The following LRP1B variants were observed in gnomAD, a reference collection of about 807,000 sequenced individuals.
LRP1B encodes LDL receptor related protein 1B.
A neutral mutation model predicts 556.6 loss-of-function variants in LRP1B; 217 were observed. The ratio of observed to expected loss-of-function variants is 0.39; its 90% CI spans 0.35 to 0.44. The LOEUF (loss-of-function observed/expected upper bound fraction) is 0.44, where lower values mean the gene tolerates loss of function less well. LRP1B is among the 20% of genes least tolerant of loss of function. LRP1B has a pLI of 1.00. For missense variants in LRP1B, 5,053 were observed against 5,620.8 expected (o/e 0.90, Z 3.23); for synonymous variants, 2,047 against 1,865.8 (o/e 1.10, Z -2.50).
At chr2:141,850,126 A>G (rs1025045796) in intron 1 of LRP1B, among the ~76,000 whole-genome samples, 1 of 151,700 alleles carries the variant, frequency 6.6e-6, no homozygotes, top group African/African-American at 2.4e-5. Flanking sequence ...TTAAAAAGTC[A>G]CTCATCTTAG....
At chr2:140,644,709 A>G (rs1382974521) in intron 41 of LRP1B, among the ~76,000 whole-genome samples, 1 of 152,054 alleles carries the variant, frequency 6.6e-6, no homozygotes, top group Non-Finnish European at 1.5e-5. Context: ...CACCATGCCC[A>G]GCCTATTTAA....
At chr2:141,127,743 C>G (rs1303016437) in intron 7 of LRP1B, among the ~76,000 whole-genome samples, 1 of 149,754 alleles carries the variant, frequency 6.7e-6, no homozygotes, top group African/African-American at 2.4e-5. Flanking sequence ...TTACCTGGCT[C>G]TGTAAATTTA....
intron 41 of LRP1B, among the ~76,000 whole-genome samples, chr2:140,692,828 G>T (rs1036340163): frequency 1.3e-5 from 2 of 151,462 alleles, no homozygotes; most frequent in African/African-American, 4.9e-5. Flanking sequence ...TATACTTCCT[G>T]ATTTTTGTGT....
At chr2:141,909,526 A>ATTTTTTTTTTTTTTTTTTTTTTTTTTT (rs377577096) in intron 1 of LRP1B, among the ~76,000 whole-genome samples, 1 of 93,394 alleles carries the variant, frequency 1.1e-5, no homozygotes, top group Non-Finnish European at 2.1e-5. Context: ...GGTCTCAGAC[A>ATTTTTTTTTTTTTTTTTTTTTTTTTTT]TTTTTTTTTT....
At chr2:141,624,356 G>A (rs1688628861) in intron 2 of LRP1B, among the ~76,000 whole-genome samples, 1 of 152,022 alleles carries the variant, frequency 6.6e-6, no homozygotes, top group Admixed American at 6.5e-5. Context: ...TGCCCAGAGA[G>A]GTTAAGTAAA....
chr2:140,835,218 A>C (rs1413601132), intron 31 of LRP1B, among the ~76,000 whole-genome samples: 6 of 152,208 alleles, frequency 3.9e-5, no homozygotes, highest in African/African-American at 1.4e-4. Flanking sequence ...TACGTTAGTG[A>C]AGTAAAACAC....
intron 3 of LRP1B, among the ~76,000 whole-genome samples, chr2:141,368,121 G>A (rs920137548): frequency 1.3e-5 from 2 of 152,270 alleles, no homozygotes; most frequent in African/African-American, 4.8e-5. Context: ...CTGGTAAAAT[G>A]TAAGATTAAG....
chr2:140,584,175 G>T (rs1345777612), intron 43 of LRP1B, among the ~76,000 whole-genome samples: 1 of 151,802 alleles, frequency 6.6e-6, no homozygotes, highest in Non-Finnish European at 1.5e-5. Flanking sequence ...ATTATAACCT[G>T]CTCAAGAACA....
intron 41 of LRP1B, among the ~76,000 whole-genome samples, chr2:140,661,350 T>C (rs1325768716): frequency 2.0e-5 from 3 of 151,726 alleles, no homozygotes; most frequent in African/African-American, 7.3e-5. Flanking sequence ...AGACTATGGG[T>C]CCACAGAGAA....
chr2:140,877,797 A>C (rs1444946474), intron 25 of LRP1B, among the ~76,000 whole-genome samples: 1 of 152,124 alleles, frequency 6.6e-6, no homozygotes, highest in Non-Finnish European at 1.5e-5. Flanking sequence ...CTCATGTCTC[A>C]CTAAAATGTA....
intron 2 of LRP1B, among the ~76,000 whole-genome samples, chr2:141,664,537 A>T (rs572407675): frequency 6.6e-6 from 1 of 152,350 alleles, no homozygotes; most frequent in African/African-American, 2.4e-5. Flanking sequence ...AATGTGCAAA[A>T]GTCACAAGCA....
intron 3 of LRP1B, among the ~76,000 whole-genome samples, chr2:141,292,437 A>G (rs774064386): frequency 3.3e-4 from 51 of 152,334 alleles, no homozygotes; most frequent in Non-Finnish European, 6.3e-4. Flanking sequence ...ATGAGCAATA[A>G]TAATGGTAGC....
At chr2:141,805,386 G>A (rs1384873692) in intron 2 of LRP1B, 1 of 152,058 alleles carries the variant, frequency 6.6e-6, no homozygotes. Context: ...TTAAGTCACT[G>A]TTTCTATAAC....
intron 2 of LRP1B, among the ~76,000 whole-genome samples, chr2:141,798,018 T>C (rs940768516): frequency 9.9e-5 from 15 of 152,162 alleles, no homozygotes; most frequent in African/African-American, 9.7e-5. Context: ...AATAATACTC[T>C]GGGGACAGTT....
intron 1 of LRP1B, among the ~76,000 whole-genome samples, chr2:141,816,538 T>A (rs1330081895): frequency 6.6e-6 from 1 of 152,180 alleles, no homozygotes; most frequent in Admixed American, 6.6e-5. Flanking sequence ...GACGAAAGGC[T>A]ACACTATCAG....
chr2:141,644,392 C>T (rs191243108), intron 2 of LRP1B, among the ~76,000 whole-genome samples: 7 of 152,106 alleles, frequency 4.6e-5, no homozygotes, highest in African/African-American at 1.4e-4. Flanking sequence ...TTTTGCCTTC[C>T]GCCATGATAG....
chr2:141,828,653 C>T (rs1697013595), intron 1 of LRP1B, among the ~76,000 whole-genome samples: 1 of 151,994 alleles, frequency 6.6e-6, no homozygotes. Flanking sequence ...TCACAAGATG[C>T]CTTCAATCTA....
chr2:141,949,017 T>C lies in LRP1B; in HGVS notation c.83-138616A>G, dbSNP rs578091750. Reference sequence around the variant, plus strand: ...AGTAATAAGCTCTAAAAGCTAGGTATTTTCCAGGAAAATTATAGATATTCT... The same window carrying C: ...AGTAATAAGCTCTAAAAGCTAGGTACTTTCCAGGAAAATTATAGATATTCT... On this transcript the variant is annotated intron_variant, in intron 1 of 90. Transcript: ENST00000389484. Among the ~76,000 whole-genome samples the C allele has an allele frequency of 3.9e-5, 6 of 152,296 alleles. No individual in the cohort carries two copies. In the South Asian group the frequency reaches 1.2e-3, roughly 32 times the overall value.
intron 11 of LRP1B, among the ~76,000 whole-genome samples, chr2:141,035,389 G>A (rs981108573): frequency 2.0e-5 from 3 of 151,786 alleles, no homozygotes; most frequent in African/African-American, 4.8e-5. Flanking sequence ...AATCTTTTCA[G>A]TATTGTTATA....
Sources: allele counts gnomAD v4.1 joint callset (sites outside exome capture counted in the v4.1 genomes callset), GRCh38; gene constraint gnomAD v4.1.1; transcripts MANE v1.5; gene names NCBI Gene and HGNC (gene_info 2026-07-23, HGNC 2026-07-21).